C7orf33: variants seen among roughly 807,000 people sequenced by gnomAD.
C7orf33 encodes the protein chromosome 7 open reading frame 33.
C7orf33 carries 15 observed loss-of-function variants against 13.4 expected under a neutral mutation model. The ratio of observed to expected loss-of-function variants is 1.12; its 90% CI spans 0.75 to 1.72. The LOEUF (loss-of-function observed/expected upper bound fraction) is 1.72, where lower values mean the gene tolerates loss of function less well. C7orf33 is among the 40% of genes most tolerant of loss of function. The probability of loss-of-function intolerance (pLI) is 0.00; values close to 1 mark genes in which losing one functional copy is unlikely to be tolerated. For missense variants in C7orf33, 187 were observed against 220.3 expected, an observed-to-expected ratio of 0.85 and a Z score of 0.96; for synonymous variants, 73 against 83.2, an observed-to-expected ratio of 0.88 and a Z score of 0.67.
intron 1 of C7orf33, among the ~76,000 whole-genome samples, chr7:148,596,651 C>T (rs967832038): frequency 3.3e-5 from 5 of 152,106 alleles, no homozygotes; most frequent in Non-Finnish European, 7.4e-5. Context: ...GGGGAAACTG[C>T]CCCCATGATT....
At chr7:148,611,356 G>C (rs752549222) in intron 1 of C7orf33, among the ~76,000 whole-genome samples, 2 of 152,034 alleles carry the variant, frequency 1.3e-5, no homozygotes, top group Non-Finnish European at 2.9e-5. Flanking sequence ...GACCTTAGTG[G>C]GTACACACAC....
chr7:148,615,369 GCCACAAGGATTT>G lies in C7orf33; in HGVS notation c.506_517del (p.Thr169_Ser172del), dbSNP rs1796591201. ...AAGAAAGCTCCAGAATTCTGTTGAG[GCCACAAGGATTT>G]CCAGAACTGACAGCAGTTAAGAATT... On this transcript the variant is annotated inframe_deletion, in exon 3 of 3. Coordinates refer to ENST00000307003, the MANE Select transcript of C7orf33 (RefSeq NM_145304.4). 3.7e-6 allele frequency: 6 copies of G among 1,613,644 alleles called. No individual in the cohort carries two copies. Among genetic ancestry groups the G allele is most frequent in the Non-Finnish European group, 5.1e-6 (6 of 1,179,586 alleles).
chr7:148,610,932 G>A (rs10952764), intron 1 of C7orf33, among the ~76,000 whole-genome samples: 80,594 of 151,922 alleles, frequency 0.53, 21,573 homozygotes, highest in East Asian at 0.57. Context: ...TTCTTGTTCT[G>A]TGGCCCCAGA....
At chr7:148,597,666 C>T (rs1450269834) in intron 1 of C7orf33, among the ~76,000 whole-genome samples, 8 of 152,192 alleles carry the variant, frequency 5.3e-5, no homozygotes, top group Non-Finnish European at 1.0e-4. Flanking sequence ...CCATCCTTCC[C>T]AATCTCCCAT....
chr7:148,606,931 A>ACACACACACACAC (rs1554449216), intron 1 of C7orf33, among the ~76,000 whole-genome samples: 4 of 20,200 alleles, frequency 2.0e-4, no homozygotes, highest in African/African-American at 2.3e-4. Context: ...TTAAAAAAAA[A>ACACACACACACAC]ATACACACAC....
chr7:148,604,005 C>A (rs1796445237), intron 1 of C7orf33, among the ~76,000 whole-genome samples: 1 of 151,792 alleles, frequency 6.6e-6, no homozygotes, highest in African/African-American at 2.4e-5. Context: ...AAAAGCCCAT[C>A]AATGATTTGA....
intron 1 of C7orf33, among the ~76,000 whole-genome samples, chr7:148,611,778 TG>T (rs1453818408): frequency 1.3e-5 from 2 of 152,224 alleles, no homozygotes; most frequent in African/African-American, 4.8e-5. Flanking sequence ...CGTGCCCACC[TG>T]GGCTTTGGGA....
intron 1 of C7orf33, among the ~76,000 whole-genome samples, chr7:148,613,128 C>A (rs1361257479): frequency 6.6e-6 from 1 of 152,118 alleles, no homozygotes; most frequent in Non-Finnish European, 1.5e-5. Context: ...CATTAACCAG[C>A]CTCTCCCTGG....
intron 1 of C7orf33, among the ~76,000 whole-genome samples, chr7:148,599,015 A>G (rs1340076397): frequency 1.3e-5 from 2 of 151,700 alleles, no homozygotes; most frequent in Non-Finnish European, 2.9e-5. Flanking sequence ...AGCACTTGCC[A>G]CCACACCTGG....
intron 1 of C7orf33, among the ~76,000 whole-genome samples, chr7:148,611,141 G>A (rs1036157684): frequency 6.6e-6 from 1 of 152,124 alleles, no homozygotes; most frequent in Non-Finnish European, 1.5e-5. Context: ...TCCCCAAACA[G>A]CCCTTCCCCA....
In C7orf33 at chr7:148,608,643, C is replaced by T. The variant is rs538419879; in HGVS notation, c.205-5399C>T. Among the ~76,000 whole-genome samples the T allele has an allele frequency of 6.6e-5, 10 of 151,932 alleles. No individual in the cohort carries two copies. In the East Asian group the frequency reaches 1.2e-3, roughly 18 times the overall value. On this transcript the variant is annotated intron_variant, in intron 1 of 2. Transcript: ENST00000307003. Reference sequence around the variant, plus strand: ...CATCCTGGCCAACATGGAGAAACCCCGTCTCTACTAAAAATGCAATAATAA... The same window carrying T: ...CATCCTGGCCAACATGGAGAAACCCTGTCTCTACTAAAAATGCAATAATAA...
chr7:148,606,502 C>CA (rs527774526), intron 1 of C7orf33, among the ~76,000 whole-genome samples: 6 of 150,612 alleles, frequency 4.0e-5, no homozygotes, highest in African/African-American at 9.7e-5. Context: ...ATATTACAAA[C>CA]AAAAAAAAAT....
At chr7:148,604,771 A>G (rs1191753599) in intron 1 of C7orf33, among the ~76,000 whole-genome samples, 1 of 152,252 alleles carries the variant, frequency 6.6e-6, no homozygotes, top group Non-Finnish European at 1.5e-5. Context: ...CCTCCATAGG[A>G]AGTTACTACA....
intron 1 of C7orf33, among the ~76,000 whole-genome samples, chr7:148,612,620 T>C (rs1323447499): frequency 6.6e-6 from 1 of 152,058 alleles, no homozygotes; most frequent in African/African-American, 2.4e-5. Flanking sequence ...AAATAGCCAA[T>C]GTGTACATGA....
chr7:148,599,512 C>T (rs1340785962), intron 1 of C7orf33, among the ~76,000 whole-genome samples: 5 of 136,008 alleles, frequency 3.7e-5, no homozygotes, highest in African/African-American at 5.7e-5. Flanking sequence ...CTTGCTCTAT[C>T]GCCCAGGCTG....
intron 1 of C7orf33, among the ~76,000 whole-genome samples, chr7:148,613,442 ATAAT>A (rs1182822336): frequency 6.6e-6 from 1 of 152,256 alleles, no homozygotes; most frequent in Non-Finnish European, 1.5e-5. Context: ...GAATGGATAA[ATAAT>A]TCGTGGTCTA....
intron 1 of C7orf33, among the ~76,000 whole-genome samples, chr7:148,594,490 A>T (rs140662708): frequency 6.6e-6 from 1 of 152,096 alleles, no homozygotes; most frequent in African/African-American, 2.4e-5. Flanking sequence ...TCTTTTCTTT[A>T]TAAATTACCC....
intron 1 of C7orf33, among the ~76,000 whole-genome samples, chr7:148,606,776 G>A (rs1027799493): frequency 2.5e-4 from 38 of 152,158 alleles, no homozygotes; most frequent in African/African-American, 7.9e-4. Context: ...TAGTAGAGAC[G>A]GGATTTCGTC....
rs145662386 is a variant in C7orf33 at position 148,601,298 on chromosome 7, T to A, written c.204+10169T>A. 9.2e-3 allele frequency among the ~76,000 whole-genome samples: 1,408 copies of A among 152,326 alleles called. 18 individuals carry two copies. The highest frequency in any genetic ancestry group is 0.014 in the Non-Finnish European group (983 of 68,032). On this transcript the variant is annotated intron_variant, in intron 1 of 2. Transcript: ENST00000307003. ...GATTTTTAAATCCTTTTAAAATTTA[T>A]GATTCTTTAGTAGCAGGTTATTTAT...
Sources: gnomAD v4.1 joint callset for allele counts (sites outside exome capture counted in the v4.1 genomes callset) on GRCh38, gnomAD v4.1.1 for gene constraint, MANE v1.5 for transcripts, NCBI Gene and HGNC (gene_info 2026-07-23, HGNC 2026-07-21) for gene names.